Variants in PDS5A observed in about 807,000 individuals in gnomAD.
The protein encoded by PDS5A is PDS5 cohesin associated factor A.
In PDS5A, 42 loss-of-function variants were observed where a neutral mutation model predicts 167.1. That is an observed-to-expected ratio of 0.25 (90% CI 0.20 to 0.33). The LOEUF is 0.33. Among genes scored for constraint, PDS5A ranks in the 10% least tolerant of loss-of-function variants. PDS5A has a pLI of 1.00. For synonymous variants in PDS5A, 553 were observed against 554.6 expected, an observed-to-expected ratio of 1.00 and a Z score of 0.04; for missense variants, 1,033 against 1,605.9, an observed-to-expected ratio of 0.64 and a Z score of 6.10.
At chr4:39,972,247 C>T (rs1420564295) in intron 2 of PDS5A, among the ~76,000 whole-genome samples, 4 of 152,238 alleles carry the variant, frequency 2.6e-5, no homozygotes, top group South Asian at 2.1e-4. Context: ...GTTGGCTGGG[C>T]GCGGTGGCTC....
chr4:39,965,283 G>A (rs192269361), intron 2 of PDS5A, among the ~76,000 whole-genome samples: 10 of 152,290 alleles, frequency 6.6e-5, no homozygotes, highest in Non-Finnish European at 1.5e-4. Context: ...AAAGAACCCA[G>A]CTGGGTCCAG....
intron 2 of PDS5A, among the ~76,000 whole-genome samples, chr4:39,954,679 A>T (rs1334374423): frequency 8.0e-5 from 12 of 150,802 alleles, no homozygotes; most frequent in East Asian, 2.0e-4. Context: ...GTAAAAAAAA[A>T]AAAAAAAAAA....
intron 7 of PDS5A, among the ~76,000 whole-genome samples, chr4:39,918,176 C>G (rs944603638): frequency 4.5e-5 from 5 of 109,974 alleles, no homozygotes; most frequent in Non-Finnish European, 9.1e-5. Context: ...GAACAAGACC[C>G]TGTCTCAAAA....
At chr4:39,917,737 G>C (rs930648457) in intron 7 of PDS5A, among the ~76,000 whole-genome samples, 24 of 152,082 alleles carry the variant, frequency 1.6e-4, no homozygotes, top group Non-Finnish European at 3.2e-4. Context: ...ACCATGCCCA[G>C]CTAATTTTTG....
chr4:39,868,936 T>C (rs1719779203), intron 22 of PDS5A, among the ~76,000 whole-genome samples: 1 of 152,156 alleles, frequency 6.6e-6, no homozygotes, highest in South Asian at 2.1e-4. Context: ...CTTTGCCAAG[T>C]TAATATTCAT....
intron 2 of PDS5A, among the ~76,000 whole-genome samples, chr4:39,950,109 G>C (rs1355776544): frequency 6.6e-6 from 1 of 152,014 alleles, no homozygotes; most frequent in Non-Finnish European, 1.5e-5. Flanking sequence ...GTTTCTCCAT[G>C]TTGGTCAGGC....
chr4:39,951,639 G>A (rs1285550689), intron 2 of PDS5A, among the ~76,000 whole-genome samples: 2 of 152,188 alleles, frequency 1.3e-5, no homozygotes, highest in Non-Finnish European at 1.5e-5. Flanking sequence ...GGTGGCTCAC[G>A]CCTGTGATCC....
chr4:39,947,969 A>C (rs1727932517), intron 2 of PDS5A, among the ~76,000 whole-genome samples: 1 of 152,180 alleles, frequency 6.6e-6, no homozygotes, highest in African/African-American at 2.4e-5. Flanking sequence ...TTTGCACATA[A>C]GCCAGGAATG....
intron 30 of PDS5A, among the ~76,000 whole-genome samples, chr4:39,843,335 C>A (rs1023910705): frequency 1.3e-5 from 2 of 152,074 alleles, no homozygotes; most frequent in African/African-American, 4.8e-5. Context: ...CTACACCCAG[C>A]CCTCCTATAC....
intron 26 of PDS5A, among the ~76,000 whole-genome samples, chr4:39,856,856 C>T (rs758943450): frequency 5.9e-5 from 9 of 151,652 alleles, no homozygotes; most frequent in Non-Finnish European, 1.3e-4. Context: ...AAGGAAAATG[C>T]ATAAAACAGT....
intron 16 of PDS5A, among the ~76,000 whole-genome samples, chr4:39,895,186 T>C (rs1304994658): frequency 1.7e-5 from 2 of 119,448 alleles, no homozygotes; most frequent in Non-Finnish European, 3.2e-5. Context: ...TGGGCGACAG[T>C]GAGACTCCGT....
Position 39,824,474 on chromosome 4 carries a change from A to T in PDS5A, c.*1011T>A, listed in dbSNP as rs933625026. Reference sequence around the variant, plus strand: ...CATAAAAATGAGCCCAGACCATCAGACAAAAGCAAAACACTTATTTCCAAA... The same window carrying T: ...CATAAAAATGAGCCCAGACCATCAGTCAAAAGCAAAACACTTATTTCCAAA... On this transcript the variant is annotated 3_prime_UTR_variant, in exon 33 of 33. Coordinates refer to ENST00000303538, the MANE Select transcript of PDS5A (RefSeq NM_001100399.2). 6.6e-6 allele frequency: 1 copy of T among 152,528 alleles called. No homozygotes were observed. Among genetic ancestry groups the T allele is most frequent in the Non-Finnish European group, 1.5e-5 (1 of 68,040 alleles). The allele number at this position is 152,528 out of a possible 1,614,324, so 9.4% of individuals were successfully genotyped here.
chr4:39,918,593 C>T (rs1299213120), intron 7 of PDS5A, among the ~76,000 whole-genome samples: 3 of 152,138 alleles, frequency 2.0e-5, no homozygotes, highest in Non-Finnish European at 4.4e-5. Context: ...GTGGCTCACA[C>T]CTGTAATCGC....
intron 6 of PDS5A, among the ~76,000 whole-genome samples, chr4:39,922,360 C>T (rs986972123): frequency 2.6e-5 from 4 of 152,168 alleles, no homozygotes; most frequent in African/African-American, 9.7e-5. Context: ...CCTTACAATT[C>T]TCAGATTATT....
intron 2 of PDS5A, among the ~76,000 whole-genome samples, chr4:39,956,380 C>A (rs746660513): frequency 5.3e-5 from 8 of 150,936 alleles, no homozygotes; most frequent in Non-Finnish European, 1.0e-4. Flanking sequence ...GTAGTCCCAG[C>A]TACTTGGGAG....
At chr4:39,841,080 G>T (rs1485056483) in intron 31 of PDS5A, among the ~76,000 whole-genome samples, 1 of 151,988 alleles carries the variant, frequency 6.6e-6, no homozygotes, top group East Asian at 1.9e-4. Flanking sequence ...AAACACAGTA[G>T]AAACAAAGCA....
At chr4:39,973,607 C>T (rs1040717810) in intron 2 of PDS5A, 106 of 1,282,586 alleles carry the variant, frequency 8.3e-5, no homozygotes, top group Non-Finnish European at 1.0e-4. Flanking sequence ...TTCTCCTTCC[C>T]GGAAGAAGCC....
intron 26 of PDS5A, among the ~76,000 whole-genome samples, chr4:39,856,376 T>A (rs995064596): frequency 6.6e-6 from 1 of 152,190 alleles, no homozygotes; most frequent in Admixed American, 6.5e-5. Flanking sequence ...AGTGAGTCCA[T>A]CAGGCTGAAA....
chr4:39,903,503 T>C (rs892377775), intron 12 of PDS5A, among the ~76,000 whole-genome samples: 11 of 152,352 alleles, frequency 7.2e-5, no homozygotes, highest in South Asian at 4.1e-4. Flanking sequence ...CGATCCAATA[T>C]AGAATTATAA....
Sources: allele counts gnomAD v4.1 joint callset (sites outside exome capture counted in the v4.1 genomes callset), GRCh38; gene constraint gnomAD v4.1.1; transcripts MANE v1.5; gene names NCBI Gene and HGNC (gene_info 2026-07-23, HGNC 2026-07-21).